Variants in FBXL5 observed in about 807,000 individuals in gnomAD.
FBXL5 encodes the protein F-box and leucine rich repeat protein 5, also known as F-box/LRR-repeat protein 5.
Under a neutral mutation model 78.3 loss-of-function variants are expected in FBXL5, and 26 were observed. The observed-to-expected ratio is 0.33, with a 90% CI of 0.24 to 0.46. FBXL5 has a LOEUF of 0.46. Among genes scored for constraint, FBXL5 ranks in the 20% least tolerant of loss-of-function variants. FBXL5 has a pLI of 1.00. For synonymous variants in FBXL5, 295 were observed against 282.5 expected, an observed-to-expected ratio of 1.04 and a Z score of -0.45; for missense variants, 710 against 829.2, an observed-to-expected ratio of 0.86 and a Z score of 1.77.
intron 9 of FBXL5, 49 bp downstream of exon 9, chr4:15,625,203 G>A: frequency 1.3e-6 from 2 of 1,512,640 alleles, no homozygotes; most frequent in African/African-American, 1.4e-5. Flanking sequence ...TATTCCATTT[G>A]GAAATGAGAA....
chr4:15,653,172 C>T (rs1287788841), intron 1 of FBXL5, among the ~76,000 whole-genome samples: 2 of 151,960 alleles, frequency 1.3e-5, no homozygotes, highest in African/African-American at 2.4e-5. Context: ...TCGTGATAAA[C>T]GTATACAACA....
At chr4:15,628,873 C>A (rs1055325085) in intron 6 of FBXL5, among the ~76,000 whole-genome samples, 3 of 152,026 alleles carry the variant, frequency 2.0e-5, no homozygotes, top group African/African-American at 7.2e-5. Context: ...CCAAACCATT[C>A]TTTTGTTTCT....
intron 1 of FBXL5, among the ~76,000 whole-genome samples, chr4:15,645,800 T>TTACTAACTC (rs1715294025): frequency 6.6e-6 from 1 of 152,218 alleles, no homozygotes; most frequent in Admixed American, 6.5e-5. Flanking sequence ...ACATGGTTGT[T>TTACTAACTC]AGTACTCAAT....
At chr4:15,662,779 T>C (rs189548860), upstream of FBXL5, among the ~76,000 whole-genome samples, 10 of 152,356 alleles carry the variant, frequency 6.6e-5, no homozygotes, top group Admixed American at 1.3e-4. Flanking sequence ...ATGTAATTTT[T>C]TTTTGTCTTT....
chr4:15,672,947 C>T (rs974340907), intron 1 of FBXL5, among the ~76,000 whole-genome samples: 2 of 152,038 alleles, frequency 1.3e-5, no homozygotes, highest in Non-Finnish European at 2.9e-5. Flanking sequence ...TTAGCCTAGA[C>T]TTACACAGGG....
intron 1 of FBXL5, among the ~76,000 whole-genome samples, chr4:15,680,149 T>C (rs894900413): frequency 2.6e-5 from 4 of 151,614 alleles, no homozygotes; most frequent in African/African-American, 9.7e-5. Flanking sequence ...GCAGAAAATA[T>C]TGAAGGAGAG....
intron 1 of FBXL5, among the ~76,000 whole-genome samples, chr4:15,665,180 G>C (rs976675569): frequency 3.9e-5 from 6 of 152,132 alleles, no homozygotes; most frequent in African/African-American, 1.2e-4. Flanking sequence ...GCCAATGTAG[G>C]AAAGAATGCC....
At chr4:15,619,268 A>G (rs1225315604) in intron 9 of FBXL5, among the ~76,000 whole-genome samples, 1 of 152,222 alleles carries the variant, frequency 6.6e-6, no homozygotes, top group Non-Finnish European at 1.5e-5. Context: ...ATTACAGGCC[A>G]ATGTCCCTTA....
At chr4:15,658,238 T>C (rs929252165), upstream of FBXL5, among the ~76,000 whole-genome samples, 4 of 152,210 alleles carry the variant, frequency 2.6e-5, no homozygotes, top group Non-Finnish European at 5.9e-5. Flanking sequence ...GAAAGAATGT[T>C]TACGTTTTGA....
intron 7 of FBXL5, 80 bp from the exon 8 acceptor site, chr4:15,627,035 A>C (rs1713131412): frequency 1.3e-6 from 1 of 761,294 alleles, no homozygotes; most frequent in Non-Finnish European, 2.1e-6. Context: ...AGTAAACATA[A>C]TCTAGTTCAC....
chr4:15,670,685 T>A (rs1560252504), intron 1 of FBXL5, among the ~76,000 whole-genome samples: 1 of 145,152 alleles, frequency 6.9e-6, no homozygotes, highest in Non-Finnish European at 1.5e-5. Flanking sequence ...TATTTTTGGT[T>A]TTCTTTTATA....
intron 5 of FBXL5, 84 bp from the exon 6 acceptor site, chr4:15,630,875 A>C (rs1713561666): frequency 3.3e-6 from 5 of 1,534,168 alleles, no homozygotes; most frequent in Non-Finnish European, 4.4e-6. Flanking sequence ...TTACGATAAA[A>C]ATCTCTACAA....
At chr4:15,614,194 G>GT (rs1711547536) in intron 9 of FBXL5, among the ~76,000 whole-genome samples, 1 of 152,194 alleles carries the variant, frequency 6.6e-6, no homozygotes, top group African/African-American at 2.4e-5. Flanking sequence ...CCAAACTGCT[G>GT]TAATTGTTCT....
Position 15,640,874 on chromosome 4 carries a change from C to A in FBXL5, c.310G>T (p.Glu104Ter). Residue 104 changes from glutamate (E) to a stop codon, truncating the protein, a stop_gained, in exon 3 of 11, where the codon GAA becomes TAA. Coordinates refer to ENST00000341285, the MANE Select transcript of FBXL5 (RefSeq NM_012161.4). LOFTEE classifies it high-confidence loss of function. ...AGTTGTTTTGCATAATTTAACTGTT[C>A]ATATTCATTCTGGAAACCAAAAAAA... ...KGLKNVKNEY[E>*]QLNYAKQLKE... 1 of 1,472,292 alleles carries A rather than the reference C, an allele frequency of 6.8e-7. No homozygotes were observed. The highest frequency in any genetic ancestry group is 9.1e-7 in the Non-Finnish European group (1 of 1,102,302). The allele number at this position is 1,472,292 out of a possible 1,614,324, so 91.2% of individuals were successfully genotyped here.
intron 5 of FBXL5, among the ~76,000 whole-genome samples, chr4:15,636,029 A>C (rs1352947917): frequency 6.6e-6 from 1 of 152,078 alleles, no homozygotes; most frequent in East Asian, 1.9e-4. Flanking sequence ...ACCAAAATGG[A>C]GCCATAATGG....
chr4:15,656,324 T>C, upstream of FBXL5: 1 of 456,190 alleles, frequency 2.2e-6, no homozygotes, highest in South Asian at 1.5e-5. Flanking sequence ...CAGTCTTAGA[T>C]TGGTTGGCTG....
chr4:15,620,254 A>G (rs1380146601), intron 9 of FBXL5, among the ~76,000 whole-genome samples: 2 of 152,206 alleles, frequency 1.3e-5, no homozygotes, highest in Non-Finnish European at 2.9e-5. Context: ...GATACCAAAA[A>G]CTACAAAAGA....
At chr4:15,634,761 G>C (rs1293321041) in intron 5 of FBXL5, among the ~76,000 whole-genome samples, 1 of 152,102 alleles carries the variant, frequency 6.6e-6, no homozygotes, top group Non-Finnish European at 1.5e-5. Flanking sequence ...GAAAAAAGCA[G>C]TATATTTGAG....
chr4:15,630,921 GT>G (rs201608870), intron 5 of FBXL5, 130 bp from the exon 6 acceptor site: 174 of 1,127,216 alleles, frequency 1.5e-4, no homozygotes, highest in South Asian at 2.2e-4. Context: ...ATAAGCAACT[GT>G]TTTTTTTTAA....
Sources: gnomAD v4.1 joint callset for allele counts (sites outside exome capture counted in the v4.1 genomes callset) on GRCh38, gnomAD v4.1.1 for gene constraint, MANE v1.5 for transcripts, NCBI Gene and HGNC (gene_info 2026-07-23, HGNC 2026-07-21) for gene names.